The following PAN3 variants were observed in gnomAD, a reference collection of about 807,000 sequenced individuals.
PAN3 encodes poly(A) specific ribonuclease subunit PAN3, also known as PAN2-PAN3 deadenylation complex subunit PAN3.
In PAN3, 19 loss-of-function variants were observed where a neutral mutation model predicts 96.2. The observed-to-expected ratio is 0.20, with a 90% CI of 0.14 to 0.29. The LOEUF (loss-of-function observed/expected upper bound fraction) is 0.29. Ranked by LOEUF, PAN3 falls within the 10% of genes least tolerant of loss-of-function variation. PAN3 has a pLI of 1.00. For missense variants in PAN3, 882 were observed against 1,108.1 expected (o/e 0.80, Z 2.90); for synonymous variants, 433 against 406.6 (o/e 1.06, Z -0.78).
intron 6 of PAN3, chr13:28,232,408 A>AT (rs1882668844): frequency 6.6e-6 from 1 of 152,072 alleles, no homozygotes; most frequent in South Asian, 2.1e-4. Context: ...GTAACTATTG[A>AT]TTTGACCCAC....
chr13:28,199,070 A>T (rs1878401680), intron 5 of PAN3, among the ~76,000 whole-genome samples: 1 of 152,224 alleles, frequency 6.6e-6, no homozygotes, highest in South Asian at 2.1e-4. Context: ...ATAACAGTAT[A>T]GTTTTTTTAA....
chr13:28,201,647 A>G (rs985141433), intron 5 of PAN3, among the ~76,000 whole-genome samples: 2 of 151,998 alleles, frequency 1.3e-5, no homozygotes, highest in Non-Finnish European at 2.9e-5. Flanking sequence ...TGATCCTTCC[A>G]CCTTAGCCTC....
At position 28,270,641 on chromosome 13, in the gene PAN3, T is replaced by C. The variant is rs1359475769; in HGVS notation, c.1793-60T>C. On this transcript the variant is annotated intron_variant, in intron 12 of 18. Coordinates refer to ENST00000380958, the MANE Select transcript of PAN3 (RefSeq NM_175854.8). ...TTGTCTTTGCTAATTTTGATGTTAATGCTTTAGTCTTTTAGTTGATTACTT... is the reference window on the plus strand; with the variant it reads ...TTGTCTTTGCTAATTTTGATGTTAACGCTTTAGTCTTTTAGTTGATTACTT... The C allele has an allele frequency of 5.2e-6, 8 of 1,535,650 alleles. No homozygotes were observed. In the East Asian group the frequency reaches 1.8e-4, roughly 35 times the overall value.
chr13:28,196,793 A>G (rs1482750520), intron 4 of PAN3, among the ~76,000 whole-genome samples: 2 of 152,226 alleles, frequency 1.3e-5, no homozygotes, highest in African/African-American at 2.4e-5. Flanking sequence ...AAAAATCTGT[A>G]TTCTGTGTCC....
At chr13:28,267,441 C>G (rs368607241) in intron 12 of PAN3, 40 bp downstream of exon 12, 16 of 1,499,016 alleles carry the variant, frequency 1.1e-5, no homozygotes, top group Admixed American at 1.7e-5. Flanking sequence ...TTGACTAATG[C>G]TTTTGCTCTG....
intron 6 of PAN3, among the ~76,000 whole-genome samples, chr13:28,244,407 TTTTTA>T (rs1177426755): frequency 7.9e-5 from 12 of 152,228 alleles, no homozygotes; most frequent in Admixed American, 2.0e-4. Context: ...AGATTCACTT[TTTTTA>T]TTTTATCTAT....
chr13:28,175,997 C>G (rs143272739), intron 2 of PAN3, among the ~76,000 whole-genome samples: 4 of 152,202 alleles, frequency 2.6e-5, no homozygotes, highest in African/African-American at 9.6e-5. Flanking sequence ...AAGGGCCTTA[C>G]AGGATGGAGA....
At chr13:28,287,787 G>A (rs1869175729) in intron 17 of PAN3, among the ~76,000 whole-genome samples, 197 bp from the exon 18 acceptor site, 1 of 152,182 alleles carries the variant, frequency 6.6e-6, no homozygotes, top group African/African-American at 2.4e-5. Flanking sequence ...ATTTCCCCCT[G>A]ACATTTGCTA....
At chr13:28,210,434 CTAGTAAT>C (rs1364538107) in intron 5 of PAN3, among the ~76,000 whole-genome samples, 5 of 152,112 alleles carry the variant, frequency 3.3e-5, no homozygotes, top group Non-Finnish European at 7.3e-5. Flanking sequence ...TTTGGAAATA[CTAGTAAT>C]TAGCTTTCTT....
intron 6 of PAN3, among the ~76,000 whole-genome samples, chr13:28,253,144 A>G (rs1352420185): frequency 1.3e-5 from 2 of 152,236 alleles, no homozygotes; most frequent in Non-Finnish European, 2.9e-5. Context: ...GTGGTTAAAC[A>G]TTAAATAATA....
chr13:28,268,048 T>C (rs2138655819), intron 12 of PAN3, among the ~76,000 whole-genome samples: 1 of 152,342 alleles, frequency 6.6e-6, no homozygotes, highest in African/African-American at 2.4e-5. Flanking sequence ...TTTTTCTCTT[T>C]AAAATGTTTT....
chr13:28,285,848 T>C (rs1868904533), intron 17 of PAN3, among the ~76,000 whole-genome samples: 1 of 152,212 alleles, frequency 6.6e-6, no homozygotes, highest in Admixed American at 6.5e-5. Flanking sequence ...CATCTAATTC[T>C]TGTTTCTCTG....
At chr13:28,143,843 A>G (rs984658527) in intron 1 of PAN3, among the ~76,000 whole-genome samples, 5 of 152,178 alleles carry the variant, frequency 3.3e-5, no homozygotes, top group Admixed American at 6.5e-5. Flanking sequence ...TTGAAGTTCA[A>G]ATGTTAGCTT....
At position 28,257,702 on chromosome 13, in the gene PAN3, T is replaced by TATATATTATATATAATAAATATATATTAC. The variant is rs1555289962; in HGVS notation, c.1248+1179_1248+1180insAAATATATATTACATATATTATATATAAT. Among the ~76,000 whole-genome samples, 5 of 137,888 alleles carry TATATATTATATATAATAAATATATATTAC rather than the reference T, an allele frequency of 3.6e-5. No individual in the cohort carries two copies. In the Admixed American group the frequency reaches 3.8e-4, roughly 11 times the overall value. The allele number at this position is 137,888 out of a possible 152,430, so 90.5% of individuals were successfully genotyped here. A position where few individuals can be genotyped will look rare whatever the true frequency, so the allele number is the denominator to read the frequency against. On this transcript the variant is annotated intron_variant, in intron 7 of 18. Transcript: ENST00000380958. The stretch of plus-strand genomic sequence containing the variant: ...TATTAAATTATATAAATATATATTA[T>TATATATTATATATAATAAATATATATTAC]ATATATTATATATAATTAATATATA...
At chr13:28,286,778 A>G (rs191408059) in intron 17 of PAN3, among the ~76,000 whole-genome samples, 271 of 152,206 alleles carry the variant, frequency 1.8e-3, no homozygotes, top group African/African-American at 6.2e-3. Flanking sequence ...TGGGTGTTTA[A>G]TCTTCATTTT....
At chr13:28,215,113 A>G in intron 5 of PAN3, 1 of 817,604 alleles carries the variant, frequency 1.2e-6, no homozygotes. Flanking sequence ...AATTGTGACA[A>G]CATGCTGGAG....
At chr13:28,196,421 A>T (rs1878063139) in intron 4 of PAN3, among the ~76,000 whole-genome samples, 1 of 152,078 alleles carries the variant, frequency 6.6e-6, no homozygotes, top group Non-Finnish European at 1.5e-5. Flanking sequence ...CCTGCTAACC[A>T]CTATTAAGAT....
chr13:28,264,256 G>A (rs966221554), intron 9 of PAN3, among the ~76,000 whole-genome samples: 5 of 152,128 alleles, frequency 3.3e-5, no homozygotes, highest in East Asian at 1.9e-4. Flanking sequence ...AAAGAAAAAC[G>A]CGCCGGGCGC....
intron 6 of PAN3, chr13:28,239,525 T>A: frequency 9.6e-7 from 1 of 1,038,832 alleles, no homozygotes; most frequent in Non-Finnish European, 1.3e-6. Flanking sequence ...ACTTGGGTGT[T>A]GAAAGAGCTT....
Sources: gnomAD v4.1 joint callset for allele counts (sites outside exome capture counted in the v4.1 genomes callset) on GRCh38, gnomAD v4.1.1 for gene constraint, MANE v1.5 for transcripts, NCBI Gene and HGNC (gene_info 2026-07-23, HGNC 2026-07-21) for gene names.